Variants in TMEM132C observed in about 807,000 individuals in gnomAD.
TMEM132C encodes the protein transmembrane protein 132C, also known as protein phosphatase 1, regulatory subunit 152.
Under a neutral mutation model 61.4 loss-of-function variants are expected in TMEM132C, and 29 were observed. The observed-to-expected ratio is 0.47, with a 90% CI of 0.35 to 0.64. TMEM132C has a LOEUF of 0.64. TMEM132C is among the 30% of genes least tolerant of loss of function. TMEM132C has a pLI of 0.00. For synonymous variants in TMEM132C, 656 were observed against 633.1 expected, an observed-to-expected ratio of 1.04 and a Z score of -0.54; for missense variants, 1,408 against 1,476.9, an observed-to-expected ratio of 0.95 and a Z score of 0.76.
At chr12:128,576,778 T>C (rs1195365570) in intron 3 of TMEM132C, among the ~76,000 whole-genome samples, 1 of 152,236 alleles carries the variant, frequency 6.6e-6, no homozygotes, top group Admixed American at 6.5e-5. Context: ...GCTTTGGTTG[T>C]CGACATTGTT....
chr12:128,348,087 C>T (rs2135960270), intron 1 of TMEM132C, among the ~76,000 whole-genome samples: 1 of 152,332 alleles, frequency 6.6e-6, no homozygotes, highest in Non-Finnish European at 1.5e-5. Context: ...ATGTCTTTCT[C>T]ATTCATTCAG....
chr12:128,360,828 C>G (rs1041846656), intron 1 of TMEM132C, among the ~76,000 whole-genome samples: 9 of 152,212 alleles, frequency 5.9e-5, no homozygotes, highest in African/African-American at 2.2e-4. Flanking sequence ...ACCAATTCTC[C>G]AGGTGCCCTC....
chr12:128,292,001 G>A (rs1283439809), intron 1 of TMEM132C, among the ~76,000 whole-genome samples: 1 of 152,130 alleles, frequency 6.6e-6, no homozygotes. Context: ...GAAACCCCCT[G>A]GGACCCATTG....
chr12:128,608,787 C>T (rs145921795), intron 3 of TMEM132C, among the ~76,000 whole-genome samples: 124 of 152,204 alleles, frequency 8.1e-4, no homozygotes, highest in African/African-American at 2.7e-3. Flanking sequence ...AATTTCCCCA[C>T]GTAATTATAA....
chr12:128,518,375 G>T (rs1021115165), intron 2 of TMEM132C, among the ~76,000 whole-genome samples: 6 of 152,186 alleles, frequency 3.9e-5, no homozygotes, highest in Admixed American at 1.3e-4. Flanking sequence ...TTCAGGCGGC[G>T]TCCTTGGAAC....
chr12:128,415,587 C>T lies in TMEM132C; in HGVS notation c.941C>T (p.Ser314Leu), dbSNP rs868168045. The change falls in exon 2 of 9, where the codon TCG (serine) becomes TTG (leucine). Residue 314 changes from serine to leucine, a missense_variant. Transcript: ENST00000435159. This position sits in a 1 kb window ranked among gnomAD's most constrained non-coding sequence, Gnocchi z 5.8. ...GTGGTCACGGCCTATGTCACCATCT[C>T]GAGCAATTCCTCTGTGGACCTCTTC... is the stretch of plus-strand genomic sequence containing the variant. ...GEVVTAYVTI[S>L]SNSSVDLFIL... is the part of the protein sequence containing the mutation. 5 of 1,545,686 alleles carry T rather than the reference C, an allele frequency of 3.2e-6. No homozygotes were observed. The South Asian group carries it at 3.6e-5, about 11-fold the overall frequency.
chr12:128,546,568 C>CA (rs953250396), intron 3 of TMEM132C, among the ~76,000 whole-genome samples: 1 of 152,042 alleles, frequency 6.6e-6, no homozygotes, highest in Non-Finnish European at 1.5e-5. Flanking sequence ...CACAGTCAGC[C>CA]ATCCTGAATG....
At chr12:128,705,034 T>A in intron 8 of TMEM132C, 56 bp from the exon 9 acceptor site, 3 of 1,447,972 alleles carry the variant, frequency 2.1e-6, no homozygotes, top group South Asian at 2.9e-5. Flanking sequence ...TAGGAGGGGG[T>A]TTCTAAGGGA....
intron 1 of TMEM132C, among the ~76,000 whole-genome samples, chr12:128,324,284 C>A (rs145110560): frequency 6.6e-6 from 1 of 152,162 alleles, no homozygotes; most frequent in East Asian, 1.9e-4. Flanking sequence ...ATAAAACCAA[C>A]ATAACATGTA....
intron 1 of TMEM132C, among the ~76,000 whole-genome samples, chr12:128,378,129 T>G (rs1335075894): frequency 6.6e-6 from 1 of 151,810 alleles, no homozygotes; most frequent in Non-Finnish European, 1.5e-5. Context: ...GTTTTTTTTT[T>G]TTTGACATGG....
At chr12:128,500,344 C>T (rs1406817114) in intron 2 of TMEM132C, among the ~76,000 whole-genome samples, 1 of 152,046 alleles carries the variant, frequency 6.6e-6, no homozygotes, top group East Asian at 1.9e-4. Context: ...AATAGATCAA[C>T]CAGATTTCAT....
Position 128,508,081 on chromosome 12 carries a change from C to T in TMEM132C, c.975-35876C>T, listed in dbSNP as rs373009725. Among the ~76,000 whole-genome samples, 15 of 152,188 alleles carry T rather than the reference C, an allele frequency of 9.9e-5. No individual in the cohort carries two copies. In the South Asian group the frequency reaches 1.7e-3, roughly 17 times the overall value. On this transcript the variant is annotated intron_variant, in intron 2 of 8. Coordinates refer to ENST00000435159, the MANE Select transcript of TMEM132C (RefSeq NM_001136103.3). ...GTGGGTGTGTTAGTCCGTTTTCATG[C>T]GGCTGATGAAGACATACCTGAGACT...
At chr12:128,629,654 T>G (rs563057470) in intron 4 of TMEM132C, among the ~76,000 whole-genome samples, 10 of 152,126 alleles carry the variant, frequency 6.6e-5, no homozygotes, top group Middle Eastern at 6.8e-3. Context: ...CTGCCTGTAG[T>G]CGACAACACT....
intron 5 of TMEM132C, among the ~76,000 whole-genome samples, chr12:128,670,407 T>A (rs1024667562): frequency 3.3e-5 from 5 of 152,170 alleles, no homozygotes; most frequent in Non-Finnish European, 7.3e-5. Flanking sequence ...ATATTTTGTA[T>A]CTTTTGACCA....
At chr12:128,646,450 G>T (rs1451666295) in intron 4 of TMEM132C, among the ~76,000 whole-genome samples, 3 of 151,298 alleles carry the variant, frequency 2.0e-5, no homozygotes, top group Admixed American at 6.6e-5. Flanking sequence ...TCCCATCAGT[G>T]TTGGATGTGA....
At chr12:128,668,457 A>G (rs1271564155) in intron 4 of TMEM132C, among the ~76,000 whole-genome samples, 1 of 152,210 alleles carries the variant, frequency 6.6e-6, no homozygotes, top group Non-Finnish European at 1.5e-5. Flanking sequence ...TAATGGTTGA[A>G]GACATTCATT....
At chr12:128,279,286 TTTA>T (rs1349014595) in intron 1 of TMEM132C, among the ~76,000 whole-genome samples, 1 of 152,178 alleles carries the variant, frequency 6.6e-6, no homozygotes, top group Non-Finnish European at 1.5e-5. Flanking sequence ...TGTCATTTTT[TTTA>T]TTATTATTAA....
intron 2 of TMEM132C, among the ~76,000 whole-genome samples, chr12:128,429,264 C>T (rs1358810446): frequency 6.6e-6 from 1 of 152,124 alleles, no homozygotes; most frequent in African/African-American, 2.4e-5. Flanking sequence ...TGCTAGATAT[C>T]CTACAATGTG....
rs1018915130 is a variant in TMEM132C at position 128,471,190 on chromosome 12, G to T, written c.974+55570G>T. Among the ~76,000 whole-genome samples the T allele has an allele frequency of 2.0e-5, 3 of 152,166 alleles. No homozygotes were observed. The South Asian group carries it at 6.2e-4, about 32-fold the overall frequency. ...GATACTCCAGAAGTATCCCTGCTTC[G>T]ATCTGTGACAACCAGATGTCTCCAG... On this transcript the variant is annotated intron_variant, in intron 2 of 8. Coordinates refer to ENST00000435159, the MANE Select transcript of TMEM132C (RefSeq NM_001136103.3).
Sources: allele counts gnomAD v4.1 joint callset (sites outside exome capture counted in the v4.1 genomes callset), GRCh38; gene constraint gnomAD v4.1.1; non-coding constraint Gnocchi (gnomAD v3.1); transcripts MANE v1.5; gene names NCBI Gene and HGNC (gene_info 2026-07-23, HGNC 2026-07-21).